Variants in BRD4 observed in about 807,000 individuals in gnomAD.
The protein encoded by BRD4 is bromodomain containing 4.
In BRD4, 16 loss-of-function variants were observed where a neutral mutation model predicts 142.1. That is an observed-to-expected ratio of 0.11 (90% CI 0.08 to 0.17). The LOEUF is 0.17. BRD4 is among the 10% of genes least tolerant of loss of function. The probability of loss-of-function intolerance (pLI) is 1.00; values close to 1 mark genes in which losing one functional copy is unlikely to be tolerated. For missense variants in BRD4, 1,424 were observed against 1,810.9 expected (o/e 0.79, Z 3.88); for synonymous variants, 833 against 707.5 (o/e 1.18, Z -2.82).
intron 1 of BRD4, among the ~76,000 whole-genome samples, chr19:15,326,817 C>A (rs771580012): frequency 2.6e-5 from 4 of 152,190 alleles, no homozygotes; most frequent in Admixed American, 1.3e-4. Context: ...GACTACATTC[C>A]ATGAATTATG....
At chr19:15,267,390 AT>A (rs773568799) in intron 4 of BRD4, 25 bp downstream of exon 4, 7 of 1,608,708 alleles carry the variant, frequency 4.4e-6, no homozygotes, top group Non-Finnish European at 5.9e-6. Context: ...GAGAAAGCCA[AT>A]TTACTTGCTA....
chr19:15,245,692 G>A (rs2047279741), intron 11 of BRD4, among the ~76,000 whole-genome samples: 1 of 152,196 alleles, frequency 6.6e-6, no homozygotes, highest in African/African-American at 2.4e-5. Context: ...AAGCCCCACA[G>A]GGGGACATGA....
chr19:15,321,106 T>C (rs1005127964), intron 1 of BRD4, among the ~76,000 whole-genome samples: 21 of 152,036 alleles, frequency 1.4e-4, no homozygotes, highest in African/African-American at 5.1e-4. Flanking sequence ...TGGTGGCGCA[T>C]GCCTCTAATC....
At chr19:15,268,785 T>C in intron 3 of BRD4, 120 bp downstream of exon 3, 1 of 1,136,744 alleles carries the variant, frequency 8.8e-7, no homozygotes, top group Non-Finnish European at 1.3e-6. Context: ...GGTCTCCTCT[T>C]GCCAGACTCC....
At chr19:15,305,330 C>T (rs1000304001) in intron 1 of BRD4, among the ~76,000 whole-genome samples, 3 of 152,182 alleles carry the variant, frequency 2.0e-5, no homozygotes, top group Non-Finnish European at 2.9e-5. Context: ...GCATGAGCCA[C>T]AGCACCCAGC....
chr19:15,270,597 T>G (rs184862053), intron 2 of BRD4, among the ~76,000 whole-genome samples: 1 of 151,806 alleles, frequency 6.6e-6, no homozygotes, highest in Admixed American at 6.6e-5. Flanking sequence ...GAAGAGGAAT[T>G]GGGGTGAAGG....
At chr19:15,262,266 C>G (rs532797702) in intron 7 of BRD4, among the ~76,000 whole-genome samples, 3 of 152,290 alleles carry the variant, frequency 2.0e-5, no homozygotes, top group African/African-American at 7.2e-5. Flanking sequence ...GCTGCGACAG[C>G]CAGGTGTGCA....
chr19:15,300,238 T>G (rs926715815), intron 1 of BRD4, among the ~76,000 whole-genome samples: 1 of 151,982 alleles, frequency 6.6e-6, no homozygotes, highest in Non-Finnish European at 1.5e-5. Context: ...AGCAAGACCC[T>G]GATCCGATAA....
At chr19:15,243,521 G>C (rs780781488) in intron 13 of BRD4, 34 bp from the exon 14 acceptor site, 4 of 1,516,686 alleles carry the variant, frequency 2.6e-6, no homozygotes, top group Non-Finnish European at 3.5e-6. Context: ...GGTGAGGCCT[G>C]AGCACCTGTG....
At chr19:15,325,997 CAAAAAAAAAAAA>C (rs35801340) in intron 1 of BRD4, among the ~76,000 whole-genome samples, 1 of 50,746 alleles carries the variant, frequency 2.0e-5, no homozygotes, top group Non-Finnish European at 3.6e-5. Context: ...GACTCCGTCT[CAAAAAAAAAAAA>C]AAAAAAAAAG....
At chr19:15,313,839 A>C (rs1463776801) in intron 1 of BRD4, among the ~76,000 whole-genome samples, 1 of 152,122 alleles carries the variant, frequency 6.6e-6, no homozygotes, top group East Asian at 1.9e-4. Flanking sequence ...TGCATCATCC[A>C]CCTTGCTTAC....
At chr19:15,245,062 C>A in intron 11 of BRD4, 1 of 504,866 alleles carries the variant, frequency 2.0e-6, no homozygotes, top group African/African-American at 1.9e-5. Context: ...CCAACGCCTC[C>A]CACTACTCAA....
chr19:15,286,440 G>C (rs545875879), intron 1 of BRD4, among the ~76,000 whole-genome samples: 1 of 152,326 alleles, frequency 6.6e-6, no homozygotes, highest in East Asian at 1.9e-4. Context: ...CACGGAGGAA[G>C]TGAAACTCCA....
chr19:15,256,295 G>A, intron 8 of BRD4, 32 bp from the exon 9 acceptor site: 1 of 1,592,562 alleles, frequency 6.3e-7, no homozygotes, highest in Non-Finnish European at 8.5e-7. Context: ...CACACACTCA[G>A]GGCTGAAACC....
chr19:15,253,742 G>A (rs776683044), intron 11 of BRD4: 1 of 1,598,454 alleles, frequency 6.3e-7, no homozygotes, highest in South Asian at 1.1e-5. Flanking sequence ...CTGTGATACG[G>A]GGAAGGCCCT....
At position 15,332,539 on chromosome 19, in the gene BRD4, T is replaced by C. The variant is rs2048173339; in HGVS notation, c.-284A>G. ...GCCGCCGCCGCCGCCGCCAGCGCACTGACGTCACCGCGCACGCTGCGCGCG... is the reference window on the plus strand; with the variant it reads ...GCCGCCGCCGCCGCCGCCAGCGCACCGACGTCACCGCGCACGCTGCGCGCG... On this transcript the variant is annotated 5_prime_UTR_variant, in exon 1 of 20. Coordinates refer to ENST00000679869, the MANE Select transcript of BRD4 (RefSeq NM_001379291.1). The C allele has an allele frequency of 7.0e-6, 1 of 142,498 alleles. No homozygotes were observed. The highest frequency in any genetic ancestry group is 1.5e-5 in the Non-Finnish European group (1 of 68,764). The allele number at this position is 142,498 out of a possible 1,614,324, so 8.8% of individuals were successfully genotyped here.
intron 1 of BRD4, chr19:15,280,549 A>C (rs191998451): frequency 1.5e-6 from 1 of 668,362 alleles, no homozygotes; most frequent in Admixed American, 6.2e-5. Flanking sequence ...TGAAATCTAA[A>C]ACATACCACT....
chr19:15,280,666 T>C (rs752271396), intron 1 of BRD4, among the ~76,000 whole-genome samples: 1 of 152,202 alleles, frequency 6.6e-6, no homozygotes, highest in Non-Finnish European at 1.5e-5. Flanking sequence ...ATTTGTTTTA[T>C]TCCATACAGA....
At chr19:15,277,691 G>A (rs1022295408) in intron 1 of BRD4, among the ~76,000 whole-genome samples, 1 of 151,494 alleles carries the variant, frequency 6.6e-6, no homozygotes, top group African/African-American at 2.4e-5. Context: ...TCAGGAGGCT[G>A]AGGCAGGAGA....
Sources: gnomAD v4.1 joint callset for allele counts (sites outside exome capture counted in the v4.1 genomes callset) on GRCh38, gnomAD v4.1.1 for gene constraint, MANE v1.5 for transcripts, NCBI Gene and HGNC (gene_info 2026-07-23, HGNC 2026-07-21) for gene names.